The following OR8G1 variants were observed in gnomAD, a reference collection of about 807,000 sequenced individuals.
OR8G1 encodes olfactory receptor 8G1.
For missense variants in OR8G1, 372 were observed against 356.2 expected, an observed-to-expected ratio of 1.04 and a Z score of -0.36; for synonymous variants, 129 against 133.3, an observed-to-expected ratio of 0.97 and a Z score of 0.22.
At position 124,250,220 on chromosome 11, in the gene OR8G1, T is replaced by C. The variant is rs1861854272; in HGVS notation, c.545T>C (p.Leu182Pro). The C allele has an allele frequency of 2.5e-6, 4 of 1,613,760 alleles. No homozygotes were observed. The highest frequency in any genetic ancestry group is 1.7e-4 in the Middle Eastern group (1 of 6,060). ...ATTAACCATTATTTCTGTGATCTTC[T>C]TCCCCTCCTAAAGCTCTCTTGCTCT... is the stretch of plus-strand genomic sequence containing the variant. ...DLINHYFCDL[L>P]PLLKLSCSSI... The change falls in exon 3 of 3, where the codon CTT becomes CCT. Residue 182 changes from leucine (L) to proline (P), a missense_variant. Leu to Pro is a moderately conservative substitution (Grantham distance 98). Coordinates refer to ENST00000641972, the MANE Select transcript of OR8G1 (RefSeq NM_001002905.2).
rs564556047 is a variant in OR8G1 at position 124,250,101 on chromosome 11, T to G, written c.426T>G (p.Phe142Leu). 9.9e-6 allele frequency: 16 copies of G among 1,613,696 alleles called. No homozygotes were observed. The highest frequency in any genetic ancestry group is 1.3e-5 in the Non-Finnish European group (15 of 1,179,824). The part of the protein sequence containing the change: ...YSVIISNKAC[F>L]SLILGVYIIG... ...TCATCATATCCAATAAGGCTTGCTT[T>G]TCTCTGATTTTAGGGGTGTATATAA... The change falls in exon 3 of 3, where the codon TTT (phenylalanine) becomes TTG (leucine). Residue 142 changes from phenylalanine to leucine, a missense_variant. Coordinates refer to ENST00000641972, the MANE Select transcript of OR8G1 (RefSeq NM_001002905.2).
chr11:124,249,561 C>A, intron 2 of OR8G1, 99 bp from the exon 3 acceptor site: 1 of 1,229,754 alleles, frequency 8.1e-7, no homozygotes. Flanking sequence ...AAGGGGATAC[C>A]TAAAGCATGA....
intron 1 of OR8G1, among the ~76,000 whole-genome samples, chr11:124,246,877 A>C (rs74236802): frequency 7.7e-6 from 1 of 129,670 alleles, no homozygotes; most frequent in Non-Finnish European, 1.7e-5. Context: ...TAAAAAAAAA[A>C]AAAGGCCCCA....
chr11:124,242,641 A>AT (rs1433882381), intron 1 of OR8G1, among the ~76,000 whole-genome samples: 1 of 151,788 alleles, frequency 6.6e-6, no homozygotes, highest in Admixed American at 6.6e-5. Flanking sequence ...TCTAGCCATT[A>AT]TTTTTTTTAT....
At chr11:124,247,469 A>G (rs752595104) in intron 1 of OR8G1, among the ~76,000 whole-genome samples, 2 of 151,858 alleles carry the variant, frequency 1.3e-5, no homozygotes, top group African/African-American at 2.4e-5. Flanking sequence ...GAAGAAAGAT[A>G]AGATCTGAAT....
chr11:124,246,635 C>T (rs1861812954), intron 1 of OR8G1, among the ~76,000 whole-genome samples: 1 of 151,462 alleles, frequency 6.6e-6, no homozygotes, highest in Non-Finnish European at 1.5e-5. Flanking sequence ...AAACACTATG[C>T]ACAAGAAAAA....
intron 2 of OR8G1, among the ~76,000 whole-genome samples, chr11:124,248,857 C>A (rs1861836975): frequency 6.6e-6 from 1 of 152,042 alleles, no homozygotes; most frequent in Non-Finnish European, 1.5e-5. Flanking sequence ...TGCTTACTTT[C>A]TGATTAATAA....
Position 124,250,382 on chromosome 11 carries a change from A to G in OR8G1, c.707A>G (p.Lys236Arg), listed in dbSNP as rs1362952930. 1.9e-6 allele frequency: 3 copies of G among 1,613,652 alleles called. No individual in the cohort carries two copies. Among genetic ancestry groups the G allele is most frequent in the Non-Finnish European group, 2.5e-6 (3 of 1,179,826 alleles). Residue 236 changes from lysine (K) to arginine (R), a missense_variant, in exon 3 of 3, where the codon AAA becomes AGA. Physicochemically the swap from Lys to Arg is conservative, Grantham distance 26. Coordinates refer to ENST00000641972, the MANE Select transcript of OR8G1 (RefSeq NM_001002905.2). ...ATTCGCTCCACTGAGGGCAGGTCCA[A>G]AGCCTTCAGCACTTGTAGCTCCCAC... ...LHIRSTEGRSKAFSTCSSHML... is the reference protein window; with the variant it reads ...LHIRSTEGRSRAFSTCSSHML...
At chr11:124,249,516 A>G (rs760448196) in intron 2 of OR8G1, 144 bp from the exon 3 acceptor site, 8 of 677,202 alleles carry the variant, frequency 1.2e-5, no homozygotes, top group Non-Finnish European at 1.6e-5. Context: ...AATAAGATTA[A>G]ATAAATATTA....
chr11:124,243,625 C>T (rs1446555906), intron 1 of OR8G1, among the ~76,000 whole-genome samples: 1 of 151,950 alleles, frequency 6.6e-6, no homozygotes, highest in African/African-American at 2.4e-5. Flanking sequence ...ATTGTATTGG[C>T]TATTTCTTCC....
rs1373152660 is a variant in OR8G1, at chr11:124,242,572, C to CGTG, written c.-97+1208_-97+1209insGTG. On this transcript the variant is annotated intron_variant, in intron 1 of 2. Coordinates refer to ENST00000641972, the MANE Select transcript of OR8G1 (RefSeq NM_001002905.2). Reference sequence around the variant, plus strand: ...TGAACCTTTCCCTACATTTCAGTTCCATGGCATATGAGTTGGAAGCTATGT... The same window carrying CGTG: ...TGAACCTTTCCCTACATTTCAGTTCCGTGATGGCATATGAGTTGGAAGCTATGT... Among the ~76,000 whole-genome samples, 16 of 151,548 alleles carry CGTG rather than the reference C, an allele frequency of 1.1e-4. 1 individual carries two copies. The highest frequency in any genetic ancestry group is 2.1e-4 in the South Asian group (1 of 4,820).
intron 1 of OR8G1, among the ~76,000 whole-genome samples, chr11:124,242,343 G>A (rs1176759280): frequency 6.6e-6 from 1 of 151,874 alleles, no homozygotes; most frequent in Non-Finnish European, 1.5e-5. Context: ...ATTGGAAAAC[G>A]ATGGACTCCA....
Position 124,249,641 on chromosome 11 carries a change from G to GT in OR8G1, c.-16-13dup. ...CACAACCATGGGGTTTTTTTGTTTT[G>GT]TTTTTTCTCTTCCTGCAGAAACTGA... On this transcript the variant is annotated intron_variant, in intron 2 of 2. Transcript: ENST00000641972. 9 of 1,568,712 alleles carry GT rather than the reference G, an allele frequency of 5.7e-6. No homozygotes were observed. The highest frequency in any genetic ancestry group is 1.2e-5 in the South Asian group (1 of 83,864).
Position 124,241,186 on chromosome 11 carries a change from A to G in OR8G1, c.-275A>G, listed in dbSNP as rs952682398. ...AGACCAGCTTCAAAGTGACTCTGAG[A>G]CTGAGGGCTGGGCCCTGCCCTCTCA... is the stretch of plus-strand genomic sequence containing the variant. On this transcript the variant is annotated 5_prime_UTR_variant, in exon 1 of 3. Coordinates refer to ENST00000641972, the MANE Select transcript of OR8G1 (RefSeq NM_001002905.2). 1.3e-5 allele frequency: 2 copies of G among 152,104 alleles called. No individual in the cohort carries two copies. The highest frequency in any genetic ancestry group is 2.9e-5 in the Non-Finnish European group (2 of 68,022). The allele number at this position is 152,104 out of a possible 1,614,324, so 9.4% of individuals were successfully genotyped here.
In OR8G1 at chr11:124,245,284, G is replaced by A. The variant is rs868507812; in HGVS notation, c.-96-2517G>A. 4.1e-3 allele frequency among the ~76,000 whole-genome samples: 583 copies of A among 142,180 alleles called. 4 individuals are homozygous for A. Among genetic ancestry groups the A allele is most frequent in the Non-Finnish European group, 7.2e-3 (473 of 65,988 alleles). The allele number at this position is 142,180 out of a possible 152,430, so 93.3% of individuals were successfully genotyped here. A position where few individuals can be genotyped will look rare whatever the true frequency, so the allele number is the denominator to read the frequency against. ...GCGGTGTTTGGTTTTTTGTTCTTGC[G>A]ATAGTTTACTAAGAATGATGATTTC... On this transcript the variant is annotated intron_variant, in intron 1 of 2. Transcript: ENST00000641972.
chr11:124,248,314 T>C (rs1381777368), intron 2 of OR8G1, among the ~76,000 whole-genome samples: 1 of 151,948 alleles, frequency 6.6e-6, no homozygotes, highest in Non-Finnish European at 1.5e-5. Flanking sequence ...TACTATCTTT[T>C]GAAGAACAGC....
At chr11:124,243,666 A>G (rs1195527021) in intron 1 of OR8G1, among the ~76,000 whole-genome samples, 2 of 151,988 alleles carry the variant, frequency 1.3e-5, no homozygotes, top group Admixed American at 1.3e-4. Flanking sequence ...TTAAATGATC[A>G]CTCATTTCCA....
chr11:124,244,312 A>G (rs546871323), intron 1 of OR8G1, among the ~76,000 whole-genome samples: 2 of 152,064 alleles, frequency 1.3e-5, no homozygotes, highest in African/African-American at 4.8e-5. Flanking sequence ...TTATAATCAT[A>G]TTTACATTTT....
chr11:124,241,874 A>G (rs1040160143), intron 1 of OR8G1, among the ~76,000 whole-genome samples: 40 of 152,030 alleles, frequency 2.6e-4, no homozygotes, highest in African/African-American at 9.2e-4. Context: ...GAAGAGGGAC[A>G]AGAGATAGCA....
Sources: allele counts gnomAD v4.1 joint callset (sites outside exome capture counted in the v4.1 genomes callset), GRCh38; gene constraint gnomAD v4.1.1; transcripts MANE v1.5; gene names NCBI Gene and HGNC (gene_info 2026-07-23, HGNC 2026-07-21).